Variants in SIL1 observed in about 807,000 individuals in gnomAD.
The protein encoded by SIL1 is nucleotide exchange factor SIL1.
In SIL1, 40 loss-of-function variants were observed where a neutral mutation model predicts 49.1. The ratio of observed to expected loss-of-function variants is 0.81; its 90% CI spans 0.63 to 1.06. The LOEUF (loss-of-function observed/expected upper bound fraction) is 1.06. SIL1 is among the 50% of genes least tolerant of loss of function. The pLI is 0.00. For synonymous variants in SIL1, 253 were observed against 250.8 expected (o/e 1.01, Z -0.08); for missense variants, 500 against 572.6 (o/e 0.87, Z 1.29).
Position 139,089,783 on chromosome 5 carries a change from G to T in SIL1, c.244+31252C>A, listed in dbSNP as rs144451163. Among the ~76,000 whole-genome samples, 45 of 152,312 alleles carry T rather than the reference G, an allele frequency of 3.0e-4. No individual in the cohort carries two copies. The East Asian group carries it at 3.5e-3, about 12-fold the overall frequency. On this transcript the variant is annotated intron_variant, in intron 3 of 9. Coordinates refer to ENST00000394817, the MANE Select transcript of SIL1 (RefSeq NM_022464.5). ...CATAAAGACAGAAAGGAGCTTTGTG[G>T]TTGTCAGATGTTAGAGGATAGGGAA...
At chr5:139,098,193 A>G (rs1352247850) in intron 3 of SIL1, among the ~76,000 whole-genome samples, 2 of 152,220 alleles carry the variant, frequency 1.3e-5, no homozygotes, top group African/African-American at 4.8e-5. Context: ...ACTTCAAATT[A>G]TACTACAGCG....
chr5:139,183,308 T>C (rs1752024369), intron 1 of SIL1, among the ~76,000 whole-genome samples: 1 of 152,182 alleles, frequency 6.6e-6, no homozygotes, highest in Admixed American at 6.5e-5. Flanking sequence ...GGCTTTAAAT[T>C]CTGATTTAAG....
chr5:139,028,683 C>T (rs1186306527), intron 5 of SIL1, among the ~76,000 whole-genome samples: 1 of 152,084 alleles, frequency 6.6e-6, no homozygotes, highest in African/African-American at 2.4e-5. Context: ...ATGTCAAAAT[C>T]AAGAAAAGGA....
chr5:139,147,344 T>C (rs1290379562), intron 1 of SIL1, among the ~76,000 whole-genome samples: 1 of 152,052 alleles, frequency 6.6e-6, no homozygotes, highest in Non-Finnish European at 1.5e-5. Flanking sequence ...TCAGCAACAC[T>C]CTACAGATCA....
At chr5:138,984,848 C>A (rs113216932) in intron 7 of SIL1, among the ~76,000 whole-genome samples, 13 of 152,204 alleles carry the variant, frequency 8.5e-5, no homozygotes, top group Non-Finnish European at 1.6e-4. Context: ...GAAAGCAGGG[C>A]GATGCCTCTG....
At chr5:139,156,085 A>G (rs1341710889) in intron 1 of SIL1, among the ~76,000 whole-genome samples, 2 of 152,138 alleles carry the variant, frequency 1.3e-5, no homozygotes, top group Non-Finnish European at 2.9e-5. Flanking sequence ...TTAAGGAACT[A>G]TCCTCTCCCT....
chr5:139,139,434 T>G (rs1485917265), intron 1 of SIL1, among the ~76,000 whole-genome samples: 2 of 152,216 alleles, frequency 1.3e-5, no homozygotes, highest in African/African-American at 4.8e-5. Context: ...CAGTCCATAG[T>G]TCTAAAGGAA....
At chr5:139,097,749 T>G (rs1054174332) in intron 3 of SIL1, among the ~76,000 whole-genome samples, 10 of 152,156 alleles carry the variant, frequency 6.6e-5, no homozygotes, top group Admixed American at 2.0e-4. Flanking sequence ...GTGCTGGGAT[T>G]ACAGGAGAGA....
intron 1 of SIL1, among the ~76,000 whole-genome samples, chr5:139,148,308 C>T (rs1438508456): frequency 6.6e-6 from 1 of 152,140 alleles, no homozygotes; most frequent in Non-Finnish European, 1.5e-5. Flanking sequence ...GAGTCATCAG[C>T]CTGCAACTGA....
At chr5:139,156,723 T>C (rs1751413779) in intron 1 of SIL1, among the ~76,000 whole-genome samples, 2 of 152,252 alleles carry the variant, frequency 1.3e-5, no homozygotes, top group South Asian at 4.1e-4. Context: ...CACCAGAAGC[T>C]AGAAGCAGCA....
intron 2 of SIL1, among the ~76,000 whole-genome samples, chr5:139,123,805 G>A (rs1750703736): frequency 6.6e-6 from 1 of 152,180 alleles, no homozygotes; most frequent in East Asian, 1.9e-4. Context: ...TGTCACGCAG[G>A]CATTCAACTT....
At chr5:139,045,626 G>A (rs1214915047) in intron 4 of SIL1, among the ~76,000 whole-genome samples, 1 of 152,138 alleles carries the variant, frequency 6.6e-6, no homozygotes, top group Non-Finnish European at 1.5e-5. Flanking sequence ...ACAACTACCT[G>A]ATAGATCTGT....
chr5:139,173,135 G>A (rs1465993530), intron 1 of SIL1, among the ~76,000 whole-genome samples: 1 of 152,192 alleles, frequency 6.6e-6, no homozygotes, highest in Non-Finnish European at 1.5e-5. Context: ...TGTTGAAGAA[G>A]CCGAGTTTTC....
Position 139,026,880 on chromosome 5 carries a change from A to T in SIL1, c.566T>A (p.Ile189Asn). 1 of 1,614,226 alleles carries T rather than the reference A, an allele frequency of 6.2e-7. No homozygotes were observed. The highest frequency in any genetic ancestry group is 8.5e-7 in the Non-Finnish European group (1 of 1,180,032). The stretch of plus-strand genomic sequence containing the variant: ...GGAGCTGGAACTATTGAACTTGTTG[A>T]TCAGCCGTACCATGATCTGCATGTC... Reference protein sequence around the residue: ...ETDMQIMVRLINKFNSSSSSL... With the variant: ...ETDMQIMVRLNNKFNSSSSSL... Residue 189 changes from isoleucine to asparagine, a missense_variant, in exon 6 of 10, where the codon ATC becomes AAC. Coordinates refer to ENST00000394817, the MANE Select transcript of SIL1 (RefSeq NM_022464.5).
chr5:139,173,790 C>CAAAAAA (rs70982756), intron 1 of SIL1, among the ~76,000 whole-genome samples: 2 of 106,366 alleles, frequency 1.9e-5, no homozygotes, highest in African/African-American at 3.4e-5. Flanking sequence ...ACTAAAAATA[C>CAAAAAA]AAAAAAAAAA....
chr5:139,183,577 T>TA (rs759836245), intron 1 of SIL1, among the ~76,000 whole-genome samples: 104 of 152,308 alleles, frequency 6.8e-4, no homozygotes, highest in Non-Finnish European at 1.3e-3. Context: ...TAGGTTGTAC[T>TA]AAAAAACATT....
At chr5:139,029,714 G>T (rs890060337) in intron 5 of SIL1, among the ~76,000 whole-genome samples, 1 of 151,774 alleles carries the variant, frequency 6.6e-6, no homozygotes, top group Admixed American at 6.6e-5. Flanking sequence ...TGCCCAGGCT[G>T]GTCTTGAACT....
At chr5:139,187,207 C>T (rs538901022) in intron 1 of SIL1, among the ~76,000 whole-genome samples, 18 of 152,230 alleles carry the variant, frequency 1.2e-4, no homozygotes, top group Non-Finnish European at 1.9e-4. Context: ...TCACTGAAGG[C>T]GGCAGCTCTG....
chr5:139,080,957 T>C (rs1770059582), intron 3 of SIL1, among the ~76,000 whole-genome samples: 1 of 152,262 alleles, frequency 6.6e-6, no homozygotes, highest in South Asian at 2.1e-4. Context: ...TTAAGCAGTC[T>C]TCCATATATG....
Sources: gnomAD v4.1 joint callset for allele counts (sites outside exome capture counted in the v4.1 genomes callset) on GRCh38, gnomAD v4.1.1 for gene constraint, MANE v1.5 for transcripts, NCBI Gene and HGNC (gene_info 2026-07-23, HGNC 2026-07-21) for gene names.